EHBP1: variants seen among roughly 807,000 people sequenced by gnomAD.
The protein encoded by EHBP1 is EH domain-binding protein 1.
EHBP1 carries 55 observed loss-of-function variants against 144.0 expected under a neutral mutation model. The ratio of observed to expected loss-of-function variants is 0.38; its 90% CI spans 0.31 to 0.48. The LOEUF (loss-of-function observed/expected upper bound fraction) is 0.48, where lower values mean the gene tolerates loss of function less well. Ranked by LOEUF, EHBP1 falls within the 20% of genes least tolerant of loss-of-function variation. The pLI is 0.98. For missense variants in EHBP1, 1,200 were observed against 1,364.2 expected, an observed-to-expected ratio of 0.88 and a Z score of 1.90; for synonymous variants, 469 against 472.7, an observed-to-expected ratio of 0.99 and a Z score of 0.10.
At chr2:62,751,060 T>C (rs900030964) in intron 3 of EHBP1, among the ~76,000 whole-genome samples, 4 of 152,194 alleles carry the variant, frequency 2.6e-5, no homozygotes, top group African/African-American at 4.8e-5. Context: ...CTGTCTTGTG[T>C]GAATTTTGAA....
intron 5 of EHBP1, among the ~76,000 whole-genome samples, chr2:62,776,821 T>C (rs919279975): frequency 3.3e-5 from 5 of 152,190 alleles, no homozygotes; most frequent in Non-Finnish European, 7.3e-5. Context: ...TAACATCTGT[T>C]CATCCAGACA....
chr2:63,017,118 T>C (rs939079923), intron 19 of EHBP1, among the ~76,000 whole-genome samples: 38 of 152,214 alleles, frequency 2.5e-4, no homozygotes, highest in Admixed American at 2.3e-3. Context: ...GAGGACACTA[T>C]GGCTTTAGAA....
intron 7 of EHBP1, among the ~76,000 whole-genome samples, chr2:62,832,531 C>G (rs1449408957): frequency 2.7e-5 from 4 of 149,756 alleles, no homozygotes; most frequent in Non-Finnish European, 4.4e-5. Context: ...ATCAGTCTTA[C>G]CAACAGCGTG....
intron 7 of EHBP1, among the ~76,000 whole-genome samples, chr2:62,846,500 A>G (rs1329510750): frequency 6.6e-6 from 1 of 152,216 alleles, no homozygotes; most frequent in Non-Finnish European, 1.5e-5. Flanking sequence ...ATTTATTTTG[A>G]TAAAGGACAT....
intron 10 of EHBP1, among the ~76,000 whole-genome samples, chr2:62,881,944 C>G (rs1032697453): frequency 1.3e-5 from 2 of 152,118 alleles, no homozygotes; most frequent in Non-Finnish European, 2.9e-5. Flanking sequence ...GGAAAGATTA[C>G]AAGTCCCCCA....
intron 2 of EHBP1, among the ~76,000 whole-genome samples, chr2:62,732,014 A>T (rs1266667445): frequency 1.3e-5 from 2 of 152,070 alleles, no homozygotes; most frequent in Non-Finnish European, 2.9e-5. Context: ...TCCCATTATT[A>T]TTTTATTTCA....
intron 19 of EHBP1, among the ~76,000 whole-genome samples, chr2:63,017,653 A>G (rs2060538971): frequency 6.6e-6 from 1 of 152,288 alleles, no homozygotes; most frequent in Non-Finnish European, 1.5e-5. Flanking sequence ...CTCCTTTGAA[A>G]TAAAAGATGA....
At chr2:62,822,615 C>A (rs895691683) in intron 5 of EHBP1, among the ~76,000 whole-genome samples, 4 of 152,104 alleles carry the variant, frequency 2.6e-5, no homozygotes, top group African/African-American at 9.7e-5. Flanking sequence ...TGCATGTATT[C>A]AACTTTACGA....
At chr2:62,741,597 G>T (rs923925420) in intron 2 of EHBP1, among the ~76,000 whole-genome samples, 1 of 152,020 alleles carries the variant, frequency 6.6e-6, no homozygotes, top group Admixed American at 6.6e-5. Context: ...TGAGATTTTA[G>T]TGCAGTCCCT....
intron 3 of EHBP1, 141 bp downstream of exon 3, chr2:62,747,593 G>C (rs2039281188): frequency 3.0e-6 from 2 of 677,938 alleles, no homozygotes; most frequent in Non-Finnish European, 5.0e-6. Flanking sequence ...GGATTGATCA[G>C]ATGCTATAAT....
At position 62,782,978 on chromosome 2, in the gene EHBP1, T is replaced by C. The variant is rs1438777784; in HGVS notation, c.312+11586T>C. ...ATGAGCCTGTAAAATTAAAAGCAAG[T>C]TAGTTACTTCTCAGATACAATGGGG... On this transcript the variant is annotated intron_variant, in intron 5 of 22. Transcript: ENST00000431489. Among the ~76,000 whole-genome samples the C allele has an allele frequency of 2.0e-5, 3 of 152,130 alleles. No homozygotes were observed. In the East Asian group the frequency reaches 5.8e-4, roughly 29 times the overall value.
At chr2:62,843,490 T>G (rs2152729623) in intron 7 of EHBP1, among the ~76,000 whole-genome samples, 1 of 152,306 alleles carries the variant, frequency 6.6e-6, no homozygotes, top group Non-Finnish European at 1.5e-5. Flanking sequence ...AGATGTATGT[T>G]CTAAGTCCTA....
chr2:62,922,642 A>G (rs2055174830), intron 10 of EHBP1, among the ~76,000 whole-genome samples: 1 of 152,210 alleles, frequency 6.6e-6, no homozygotes, highest in Non-Finnish European at 1.5e-5. Context: ...CATCTTCCCT[A>G]CAAGAAAGAA....
intron 7 of EHBP1, among the ~76,000 whole-genome samples, chr2:62,843,165 G>A (rs1371147468): frequency 6.6e-6 from 1 of 152,130 alleles, no homozygotes; most frequent in Non-Finnish European, 1.5e-5. Context: ...CCTGAAAATA[G>A]AAACTATGTT....
intron 19 of EHBP1, among the ~76,000 whole-genome samples, chr2:63,016,437 G>A (rs1005258016): frequency 3.3e-5 from 5 of 150,096 alleles, no homozygotes; most frequent in African/African-American, 1.2e-4. Flanking sequence ...TTTCTGTTTT[G>A]GGGGGTTGGG....
intron 19 of EHBP1, among the ~76,000 whole-genome samples, chr2:63,012,481 G>A (rs1201619876): frequency 6.6e-6 from 1 of 152,026 alleles, no homozygotes; most frequent in Non-Finnish European, 1.5e-5. Flanking sequence ...TTTCTGCAGT[G>A]ATAAAAAATA....
At chr2:62,861,523 C>T (rs1035830070) in intron 8 of EHBP1, among the ~76,000 whole-genome samples, 3 of 151,478 alleles carry the variant, frequency 2.0e-5, no homozygotes, top group South Asian at 2.1e-4. Context: ...GCAGGTGGAT[C>T]GCTTGAGACC....
intron 7 of EHBP1, 107 bp from the exon 8 acceptor site, chr2:62,859,062 A>T: frequency 9.3e-7 from 1 of 1,079,386 alleles, no homozygotes. Context: ...ATATACTATT[A>T]TTTGCAGGTA....
chr2:62,961,688 CT>C (rs926233140), intron 14 of EHBP1, among the ~76,000 whole-genome samples: 1 of 152,050 alleles, frequency 6.6e-6, no homozygotes, highest in African/African-American at 2.4e-5. Context: ...GAAAATATTT[CT>C]TTTTTTATTA....
Sources: gnomAD v4.1 joint callset for allele counts (sites outside exome capture counted in the v4.1 genomes callset) on GRCh38, gnomAD v4.1.1 for gene constraint, MANE v1.5 for transcripts, NCBI Gene and HGNC (gene_info 2026-07-23, HGNC 2026-07-21) for gene names.